ARID2: variants seen among roughly 807,000 people sequenced by gnomAD.
ARID2 encodes the protein AT-rich interaction domain 2, also known as AT-rich interactive domain-containing protein 2.
Under a neutral mutation model 184.6 loss-of-function variants are expected in ARID2, and 32 were observed. The ratio of observed to expected loss-of-function variants is 0.17; its 90% confidence interval spans 0.13 to 0.23. ARID2 has a LOEUF of 0.23. Ranked by LOEUF, ARID2 falls within the 10% of genes least tolerant of loss-of-function variation. The pLI is 1.00. For synonymous variants in ARID2, 836 were observed against 772.6 expected, an observed-to-expected ratio of 1.08 and a Z score of -1.36; for missense variants, 1,696 against 2,197.6, an observed-to-expected ratio of 0.77 and a Z score of 4.56.
chr12:45,821,576 A>G, intron 6 of ARID2, 89 bp downstream of exon 6: 3 of 649,584 alleles, frequency 4.6e-6, no homozygotes, highest in Non-Finnish European at 7.2e-6. Context: ...AATATACATA[A>G]TACTACCTAT....
chr12:45,837,766 A>G, intron 10 of ARID2, 59 bp downstream of exon 10: 2 of 1,445,998 alleles, frequency 1.4e-6, no homozygotes, highest in Non-Finnish European at 1.9e-6. Context: ...TTAATATGGT[A>G]CTGTACAAAA....
rs2138131754 is a variant in ARID2, at chr12:45,837,566, C to A, written c.1189C>A (p.Gln397Lys). 1 of 1,614,014 alleles carries A rather than the reference C, an allele frequency of 6.2e-7. No individual in the cohort carries two copies. The highest frequency in any genetic ancestry group is 8.5e-7 in the Non-Finnish European group (1 of 1,179,984). Residue 397 changes from glutamine to lysine, a missense_variant, in exon 10 of 21, where the codon CAG becomes AAG. Transcript: ENST00000334344. The stretch of plus-strand genomic sequence containing the variant: ...TGTTTTAATTTGTGAATATGTGGAT[C>A]AGGATTCCTACAGAGAGATCATTTG... Reference protein sequence around the residue: ...NGVLICEYVDQDSYREIICHL... With the variant: ...NGVLICEYVDKDSYREIICHL...
chr12:45,737,283 A>G (rs993167739), intron 3 of ARID2, among the ~76,000 whole-genome samples: 2 of 152,064 alleles, frequency 1.3e-5, no homozygotes, highest in Non-Finnish European at 2.9e-5. Flanking sequence ...TCTTACTGCC[A>G]TAGAAATTTT....
intron 3 of ARID2, among the ~76,000 whole-genome samples, chr12:45,767,415 T>C (rs1941793019): frequency 6.6e-6 from 1 of 152,220 alleles, no homozygotes; most frequent in Admixed American, 6.5e-5. Flanking sequence ...TCAAGATTCA[T>C]GCTTTTAGTT....
At chr12:45,731,948 G>A (rs1171944518) in intron 3 of ARID2, among the ~76,000 whole-genome samples, 1 of 151,786 alleles carries the variant, frequency 6.6e-6, no homozygotes, top group Non-Finnish European at 1.5e-5. Context: ...TATGAAATGG[G>A]ATACTATAAT....
intron 15 of ARID2, among the ~76,000 whole-genome samples, chr12:45,859,636 T>G (rs1969717126): frequency 6.6e-6 from 1 of 152,210 alleles, no homozygotes; most frequent in Admixed American, 6.5e-5. Flanking sequence ...TGATTTAAGG[T>G]ACATTTTGAT....
chr12:45,833,995 A>C (rs1943168463), intron 6 of ARID2, among the ~76,000 whole-genome samples: 1 of 152,222 alleles, frequency 6.6e-6, no homozygotes, highest in African/African-American at 2.4e-5. Context: ...TTTTCAGCTT[A>C]GCAATCACTA....
At chr12:45,781,098 C>T (rs1287543143) in intron 3 of ARID2, among the ~76,000 whole-genome samples, 1 of 151,906 alleles carries the variant, frequency 6.6e-6, no homozygotes, top group African/African-American at 2.4e-5. Flanking sequence ...TTATTTATGG[C>T]TGCATTACAA....
intron 5 of ARID2, among the ~76,000 whole-genome samples, chr12:45,818,415 A>G (rs949936720): frequency 2.4e-4 from 36 of 152,216 alleles, no homozygotes; most frequent in African/African-American, 8.4e-4. Flanking sequence ...TATCACACAG[A>G]GCAAATTACT....
At chr12:45,879,239 C>T (rs1944061638) in intron 16 of ARID2, among the ~76,000 whole-genome samples, 1 of 151,920 alleles carries the variant, frequency 6.6e-6, no homozygotes, top group Non-Finnish European at 1.5e-5. Flanking sequence ...TAGAGAGGGC[C>T]CGTGTTTTCT....
At chr12:45,748,816 C>G (rs1216087978) in intron 3 of ARID2, among the ~76,000 whole-genome samples, 1 of 152,064 alleles carries the variant, frequency 6.6e-6, no homozygotes, top group Non-Finnish European at 1.5e-5. Context: ...TTGCTCATCC[C>G]TGAGAAGGAA....
intron 3 of ARID2, 92 bp downstream of exon 3, chr12:45,731,406 C>A: frequency 3.6e-6 from 3 of 828,954 alleles, no homozygotes; most frequent in Non-Finnish European, 6.2e-6. Flanking sequence ...CCTTGCACAC[C>A]AAACAGTTCT....
In ARID2 at chr12:45,880,353, C is replaced by G. The variant is rs527644551; in HGVS notation, c.4923-11427C>G. 9.2e-5 allele frequency among the ~76,000 whole-genome samples: 14 copies of G among 152,254 alleles called. No individual in the cohort carries two copies. The South Asian group carries it at 2.1e-3, about 23-fold the overall frequency. ...TCTGTCTATGAAGGAGGGACTTTTA[C>G]TTGGTACTGATAAAACTGATAATTC... On this transcript the variant is annotated intron_variant, in intron 16 of 20. Coordinates refer to ENST00000334344, the MANE Select transcript of ARID2 (RefSeq NM_152641.4).
chr12:45,824,183 A>C (rs1407768946), intron 6 of ARID2, among the ~76,000 whole-genome samples: 3 of 152,134 alleles, frequency 2.0e-5, no homozygotes, highest in Non-Finnish European at 2.9e-5. Flanking sequence ...TGATCATCTC[A>C]GTTGTAGATT....
At chr12:45,899,856 CTA>C (rs1037803918) in intron 20 of ARID2, among the ~76,000 whole-genome samples, 4 of 150,744 alleles carry the variant, frequency 2.7e-5, no homozygotes, top group South Asian at 2.1e-4. Context: ...CAAAATATGT[CTA>C]TGTTACTATT....
intron 20 of ARID2, chr12:45,894,022 G>A (rs1337463182): frequency 2.5e-5 from 5 of 202,638 alleles, no homozygotes; most frequent in Admixed American, 1.2e-4. Flanking sequence ...GTTTATTGGG[G>A]AAAACAAAGG....
At chr12:45,750,356 A>G (rs1941438740) in intron 3 of ARID2, among the ~76,000 whole-genome samples, 1 of 152,218 alleles carries the variant, frequency 6.6e-6, no homozygotes, top group Non-Finnish European at 1.5e-5. Context: ...ATTAGCATCA[A>G]AGATTACTGA....
chr12:45,841,780 T>G (rs140175610), intron 11 of ARID2: 483 of 152,316 alleles, frequency 3.2e-3, no homozygotes, highest in African/African-American at 0.011. Context: ...TCAGAAATTT[T>G]ATAATATTCC....
chr12:45,904,832 T>C, intron 20 of ARID2, 102 bp from the exon 21 acceptor site: 1 of 1,163,768 alleles, frequency 8.6e-7, no homozygotes, highest in Non-Finnish European at 1.2e-6. Flanking sequence ...GGTGTGGAGC[T>C]ATGTATTGTT....
Sources: allele counts gnomAD v4.1 joint callset (sites outside exome capture counted in the v4.1 genomes callset), GRCh38; gene constraint gnomAD v4.1.1; transcripts MANE v1.5; gene names NCBI Gene and HGNC (gene_info 2026-07-23, HGNC 2026-07-21).